POU6F2: variants seen among roughly 807,000 people sequenced by gnomAD.
The protein encoded by POU6F2 is POU domain, class 6, transcription factor 2.
POU6F2 carries 31 observed loss-of-function variants against 71.3 expected under a neutral mutation model. That is an observed-to-expected ratio of 0.43 (90% CI 0.33 to 0.59). The LOEUF (loss-of-function observed/expected upper bound fraction) is 0.59, where lower values mean the gene tolerates loss of function less well. Ranked by LOEUF, POU6F2 falls within the 20% of genes least tolerant of loss-of-function variation. The probability of loss-of-function intolerance (pLI) is 0.04; values close to 1 mark genes in which losing one functional copy is unlikely to be tolerated. For missense variants in POU6F2, 783 were observed against 856.8 expected, an observed-to-expected ratio of 0.91 and a Z score of 1.07; for synonymous variants, 347 against 355.7, an observed-to-expected ratio of 0.98 and a Z score of 0.27.
chr7:39,134,963 G>T (rs538848883), intron 2 of POU6F2, among the ~76,000 whole-genome samples: 1 of 152,218 alleles, frequency 6.6e-6, no homozygotes. Flanking sequence ...AATGAAATAG[G>T]CAATAACCTT....
At chr7:39,197,915 A>G (rs2128744452) in intron 2 of POU6F2, among the ~76,000 whole-genome samples, 1 of 152,324 alleles carries the variant, frequency 6.6e-6, no homozygotes, top group East Asian at 1.9e-4. Flanking sequence ...TGTGGGAGAT[A>G]CAAAATGAGT....
intron 5 of POU6F2, among the ~76,000 whole-genome samples, chr7:39,346,990 A>G (rs953975240): frequency 6.6e-6 from 1 of 152,204 alleles, no homozygotes; most frequent in Non-Finnish European, 1.5e-5. Flanking sequence ...TGCCTCAGAG[A>G]AAGTGTGATC....
At chr7:39,290,531 C>G (rs1377786147) in intron 4 of POU6F2, among the ~76,000 whole-genome samples, 2 of 152,202 alleles carry the variant, frequency 1.3e-5, no homozygotes, top group African/African-American at 4.8e-5. Flanking sequence ...TTTTCAGGGA[C>G]TAAACATATC....
intron 2 of POU6F2, among the ~76,000 whole-genome samples, chr7:39,195,150 AT>A (rs1793760108): frequency 6.6e-6 from 1 of 152,202 alleles, no homozygotes; most frequent in African/African-American, 2.4e-5. Flanking sequence ...TATTGTCCCA[AT>A]TATTAATGTT....
At chr7:39,349,286 G>C (rs1583542764) in intron 5 of POU6F2, among the ~76,000 whole-genome samples, 1 of 152,228 alleles carries the variant, frequency 6.6e-6, no homozygotes, top group East Asian at 1.9e-4. Flanking sequence ...AAGTCTTGGA[G>C]ACCTTCTCTT....
At chr7:39,350,644 A>G (rs377165680) in intron 5 of POU6F2, among the ~76,000 whole-genome samples, 3 of 152,228 alleles carry the variant, frequency 2.0e-5, no homozygotes, top group African/African-American at 4.8e-5. Context: ...CCTGCATGCA[A>G]TGATCACATT....
At chr7:39,415,996 G>T (rs975734196) in intron 6 of POU6F2, among the ~76,000 whole-genome samples, 3 of 151,482 alleles carry the variant, frequency 2.0e-5, no homozygotes, top group Non-Finnish European at 4.4e-5. Flanking sequence ...TGGCTGTTCC[G>T]CAGACATGTC....
intron 2 of POU6F2, among the ~76,000 whole-genome samples, chr7:39,087,592 A>G (rs1230032467): frequency 6.6e-6 from 1 of 152,200 alleles, no homozygotes; most frequent in Non-Finnish European, 1.5e-5. Flanking sequence ...AAGTCAGATA[A>G]AATGATAAAT....
intron 2 of POU6F2, among the ~76,000 whole-genome samples, chr7:39,184,935 C>A (rs1793503294): frequency 6.6e-6 from 1 of 152,062 alleles, no homozygotes; most frequent in Non-Finnish European, 1.5e-5. Context: ...GATATACAAG[C>A]AAGAAAAAGT....
At chr7:39,023,691 C>A (rs936596101) in intron 1 of POU6F2, among the ~76,000 whole-genome samples, 1 of 152,096 alleles carries the variant, frequency 6.6e-6, no homozygotes, top group African/African-American at 2.4e-5. Flanking sequence ...CTAATTTATA[C>A]ATTTGTAAAA....
At chr7:39,013,787 G>C (rs1230717877) in intron 1 of POU6F2, among the ~76,000 whole-genome samples, 1 of 151,998 alleles carries the variant, frequency 6.6e-6, no homozygotes, top group Non-Finnish European at 1.5e-5. Flanking sequence ...AAGTCAATGA[G>C]TGGAGGAAAT....
At chr7:38,987,674 A>G (rs1029356160) in intron 1 of POU6F2, among the ~76,000 whole-genome samples, 1 of 152,164 alleles carries the variant, frequency 6.6e-6, no homozygotes, top group Non-Finnish European at 1.5e-5. Context: ...GAAGGTAGAC[A>G]AAGTGTACAT....
chr7:39,424,678 C>A (rs1787927887), intron 6 of POU6F2, among the ~76,000 whole-genome samples: 1 of 152,036 alleles, frequency 6.6e-6, no homozygotes, highest in African/African-American at 2.4e-5. Flanking sequence ...AGGATCAAAT[C>A]CTTTTTCTAT....
chr7:39,375,600 G>A (rs758111001), intron 5 of POU6F2, among the ~76,000 whole-genome samples: 10 of 151,330 alleles, frequency 6.6e-5, no homozygotes, highest in Non-Finnish European at 2.9e-5. Context: ...GGACTCGATG[G>A]CCAAGACCAA....
At chr7:39,028,137 T>G (rs181882552) in intron 1 of POU6F2, among the ~76,000 whole-genome samples, 2 of 152,250 alleles carry the variant, frequency 1.3e-5, no homozygotes, top group Admixed American at 1.3e-4. Flanking sequence ...CTATTTTATC[T>G]CTGTGAAAAG....
At chr7:39,159,713 G>A (rs1792950985) in intron 2 of POU6F2, among the ~76,000 whole-genome samples, 1 of 152,074 alleles carries the variant, frequency 6.6e-6, no homozygotes, top group African/African-American at 2.4e-5. Context: ...GTAACAGAAG[G>A]GATGTAAAGA....
chr7:39,340,499 T>C (rs11976849), intron 5 of POU6F2, among the ~76,000 whole-genome samples: 1 of 152,178 alleles, frequency 6.6e-6, no homozygotes, highest in Non-Finnish European at 1.5e-5. Context: ...TTCTAAAGAC[T>C]CTCTGGGGTT....
At chr7:38,995,541 GC>G (rs1452582154) in intron 1 of POU6F2, among the ~76,000 whole-genome samples, 1 of 151,868 alleles carries the variant, frequency 6.6e-6, no homozygotes, top group East Asian at 1.9e-4. Context: ...TATTTGTTTG[GC>G]TACAGAGGGA....
intron 4 of POU6F2, among the ~76,000 whole-genome samples, chr7:39,261,779 G>A (rs1465340978): frequency 6.6e-6 from 1 of 152,090 alleles, no homozygotes; most frequent in Non-Finnish European, 1.5e-5. Flanking sequence ...TGTTGTTCAG[G>A]TAAATGAGTT....
Sources: gnomAD v4.1 joint callset for allele counts (sites outside exome capture counted in the v4.1 genomes callset) on GRCh38, gnomAD v4.1.1 for gene constraint, MANE v1.5 for transcripts, NCBI Gene and HGNC (gene_info 2026-07-23, HGNC 2026-07-21) for gene names.